The following ATP2C2 variants were observed in gnomAD, a reference collection of about 807,000 sequenced individuals.
ATP2C2 encodes the protein calcium-transporting ATPase type 2C member 2.
A neutral mutation model predicts 110.8 loss-of-function variants in ATP2C2; 171 were observed. The ratio of observed to expected loss-of-function variants is 1.54; its 90% CI spans 1.36 to 1.75. The LOEUF (loss-of-function observed/expected upper bound fraction) is 1.75, where lower values mean the gene tolerates loss of function less well. ATP2C2 is among the 40% of genes most tolerant of loss of function. The probability of loss-of-function intolerance (pLI) is 0.00; values close to 1 mark genes in which losing one functional copy is unlikely to be tolerated. For synonymous variants in ATP2C2, 804 were observed against 508.4 expected (o/e 1.58, Z -7.82); for missense variants, 1,963 against 1,235.0 (o/e 1.59, Z -8.84).
intron 7 of ATP2C2, among the ~76,000 whole-genome samples, chr16:84,422,175 A>G (rs3943846): frequency 0.26 from 40,022 of 152,044 alleles, 6,703 homozygotes; most frequent in African/African-American, 0.47. Flanking sequence ...AACATTAAGC[A>G]AAGATATGAG....
At chr16:84,437,954 C>G (rs1908895768) in intron 11 of ATP2C2, among the ~76,000 whole-genome samples, 1 of 151,032 alleles carries the variant, frequency 6.6e-6, no homozygotes, top group Non-Finnish European at 1.5e-5. Context: ...TCTGAACATC[C>G]CTTATGAATG....
rs751707950 is a variant in ATP2C2 at position 84,451,913 on chromosome 16, C to T, written c.1661-8C>T. On this transcript the variant is annotated splice_polypyrimidine_tract_variant and splice_region_variant and intron_variant, in intron 17 of 26. Transcript: ENST00000262429. ...GGTGACCCCTCCTTACTCCCCCTCT[C>T]TCCTCAGTGCTGGCCCTGGCTTCTG... 1 of 1,611,008 alleles carries T rather than the reference C, an allele frequency of 6.2e-7. No individual in the cohort carries two copies. Among genetic ancestry groups the T allele is most frequent in the African/African-American group, 1.3e-5 (1 of 74,710 alleles).
rs770693056 is a variant in ATP2C2, at chr16:84,408,417, CT to C, written c.341del (p.Leu114ArgfsTer11). 29 of 1,613,928 alleles carry C rather than the reference CT, an allele frequency of 1.8e-5. No individual in the cohort carries two copies. The African/African-American group carries it at 2.4e-4, about 13-fold the overall frequency. On this transcript the variant is annotated frameshift_variant, in exon 4 of 27. Transcript: ENST00000262429. LOFTEE classifies it high-confidence loss of function. ...ATTTCCTCTTCAGTTTAAGAACCCC[CT>C]GATCCTGCTGCTGCTGGGCTCTGCC... The part of the protein sequence containing the change: ...KKYLDQFKNP[L>X]ILLLLGSALV...
chr16:84,412,271 T>G (rs1906385677), intron 6 of ATP2C2, among the ~76,000 whole-genome samples: 1 of 143,254 alleles, frequency 7.0e-6, no homozygotes, highest in African/African-American at 2.5e-5. Context: ...TGTATGTATG[T>G]GTGTACGTGT....
At chr16:84,433,065 A>C (rs1908420923) in intron 11 of ATP2C2, among the ~76,000 whole-genome samples, 1 of 152,182 alleles carries the variant, frequency 6.6e-6, no homozygotes, top group African/African-American at 2.4e-5. Context: ...CAGGACTCTC[A>C]GAAGACAGAA....
At chr16:84,461,375 C>G in intron 24 of ATP2C2, 3 of 436,348 alleles carry the variant, frequency 6.9e-6, no homozygotes, top group Non-Finnish European at 1.3e-5. Flanking sequence ...TGACGGCCAT[C>G]CTTCAGCCTT....
At chr16:84,394,333 C>A (rs959942437) in intron 1 of ATP2C2, among the ~76,000 whole-genome samples, 1 of 152,066 alleles carries the variant, frequency 6.6e-6, no homozygotes, top group Non-Finnish European at 1.5e-5. Context: ...TTGAAAGAAA[C>A]CCTGTACCCA....
chr16:84,437,169 G>A (rs550273599), intron 11 of ATP2C2, among the ~76,000 whole-genome samples: 89 of 152,178 alleles, frequency 5.8e-4, no homozygotes, highest in South Asian at 1.9e-3. Flanking sequence ...ATACACAGCC[G>A]TCACCACAGT....
rs189803982 is a variant in ATP2C2 at position 84,437,973 on chromosome 16, C to T, written c.987-1193C>T. Among the ~76,000 whole-genome samples the T allele has an allele frequency of 2.3e-3, 350 of 152,316 alleles. 1 individual carries two copies. The highest frequency in any genetic ancestry group is 7.7e-3 in the African/African-American group (321 of 41,570). On this transcript the variant is annotated intron_variant, in intron 11 of 26. Coordinates refer to ENST00000262429, the MANE Select transcript of ATP2C2 (RefSeq NM_014861.4). ...AACATCCCTTATGAATGGACTCGTG[C>T]TCTGAGTGGCCTTCTATGTCTGGCT...
At chr16:84,418,687 T>C (rs1907053443) in intron 7 of ATP2C2, among the ~76,000 whole-genome samples, 1 of 152,218 alleles carries the variant, frequency 6.6e-6, no homozygotes, top group South Asian at 2.1e-4. Context: ...CCCGGGCCTC[T>C]AGCTCCGCAG....
intron 4 of ATP2C2, among the ~76,000 whole-genome samples, chr16:84,409,718 A>C: frequency 6.6e-6 from 1 of 152,126 alleles, no homozygotes; most frequent in Non-Finnish European, 1.5e-5. Context: ...GGCCAGGCTG[A>C]TGTCGACCTC....
Position 84,423,180 on chromosome 16 carries a change from C to A in ATP2C2, c.844-8C>A, listed in dbSNP as rs772007243. 1 of 1,613,394 alleles carries A rather than the reference C, an allele frequency of 6.2e-7. No individual in the cohort carries two copies. Among genetic ancestry groups the A allele is most frequent in the African/African-American group, 1.3e-5 (1 of 74,994 alleles). ...TGTCCAACTAACCCATTGTGCTCACCCTTTCAGACACCTAAAACTCCTTTG... is the reference window on the plus strand; with the variant it reads ...TGTCCAACTAACCCATTGTGCTCACACTTTCAGACACCTAAAACTCCTTTG... On this transcript the variant is annotated splice_region_variant and splice_polypyrimidine_tract_variant and intron_variant, in intron 9 of 26. Transcript: ENST00000262429.
chr16:84,408,059 G>A (rs1905932384), intron 3 of ATP2C2, among the ~76,000 whole-genome samples: 1 of 152,246 alleles, frequency 6.6e-6, no homozygotes, highest in Admixed American at 6.5e-5. Flanking sequence ...GGTGTGGTGA[G>A]AGAGGATCCT....
At chr16:84,417,569 G>T (rs780048003) in intron 7 of ATP2C2, among the ~76,000 whole-genome samples, 10 of 152,174 alleles carry the variant, frequency 6.6e-5, no homozygotes, top group Non-Finnish European at 1.2e-4. Context: ...TACTGCTTCA[G>T]CTGGCTTTCT....
chr16:84,403,801 C>G (rs1235373125), intron 2 of ATP2C2, among the ~76,000 whole-genome samples: 1 of 152,156 alleles, frequency 6.6e-6, no homozygotes, highest in African/African-American at 2.4e-5. Flanking sequence ...AGCGATTCTC[C>G]TGCCTCAGCC....
chr16:84,422,375 C>A lies in ATP2C2; in HGVS notation c.625-15C>A, dbSNP rs1479859987. ...GACAGAGAGATTCCACAGCCTTTTC[C>A]CCTTGCTCTCCTAGGTCACGGACCT... On this transcript the variant is annotated splice_polypyrimidine_tract_variant and intron_variant, in intron 7 of 26. Transcript: ENST00000262429. The A allele has an allele frequency of 6.2e-7, 1 of 1,610,544 alleles. No individual in the cohort carries two copies. Among genetic ancestry groups the A allele is most frequent in the East Asian group, 2.2e-5 (1 of 44,846 alleles).
At chr16:84,403,599 T>G (rs945221266) in intron 2 of ATP2C2, among the ~76,000 whole-genome samples, 1 of 152,214 alleles carries the variant, frequency 6.6e-6, no homozygotes, top group Non-Finnish European at 1.5e-5. Context: ...TGAGTCACTG[T>G]GCCTGGCCTT....
At chr16:84,412,341 CGT>C (rs1467544453) in intron 6 of ATP2C2, among the ~76,000 whole-genome samples, 27 of 109,204 alleles carry the variant, frequency 2.5e-4, no homozygotes, top group East Asian at 6.9e-4. Context: ...TGTCTGTATG[CGT>C]GTGTCTGCGT....
At chr16:84,447,816 ATAAT>A (rs1484917560) in intron 16 of ATP2C2, among the ~76,000 whole-genome samples, 8 of 142,776 alleles carry the variant, frequency 5.6e-5, no homozygotes, top group East Asian at 4.1e-4. Flanking sequence ...CATATGTACT[ATAAT>A]TAATGTATTA....
Sources: allele counts gnomAD v4.1 joint callset (sites outside exome capture counted in the v4.1 genomes callset), GRCh38; gene constraint gnomAD v4.1.1; transcripts MANE v1.5; gene names NCBI Gene and HGNC (gene_info 2026-07-23, HGNC 2026-07-21).